The following MIGA1 variants were observed in gnomAD, a reference collection of about 807,000 sequenced individuals.
MIGA1 encodes the protein family with sequence similarity 73, member A.
MIGA1 carries 58 observed loss-of-function variants against 82.0 expected under a neutral mutation model. That is an observed-to-expected ratio of 0.71 (90% CI 0.57 to 0.88). The LOEUF (loss-of-function observed/expected upper bound fraction) is 0.88, where lower values mean the gene tolerates loss of function less well. Among genes scored for constraint, MIGA1 ranks in the 40% least tolerant of loss-of-function variants. The pLI, the probability that MIGA1 is intolerant of heterozygous loss-of-function variation, is 0.00. For synonymous variants in MIGA1, 249 were observed against 253.6 expected, an observed-to-expected ratio of 0.98 and a Z score of 0.17; for missense variants, 751 against 749.1, an observed-to-expected ratio of 1.00 and a Z score of -0.03.
intron 5 of MIGA1, 106 bp downstream of exon 5, chr1:77,807,207 G>A (rs1455311388): frequency 4.5e-6 from 4 of 890,816 alleles, no homozygotes; most frequent in Admixed American, 2.5e-5. Context: ...TGTCACCCAG[G>A]CTGGAGTACG....
At chr1:77,821,625 C>G (rs1222031874) in intron 7 of MIGA1, among the ~76,000 whole-genome samples, 1 of 152,084 alleles carries the variant, frequency 6.6e-6, no homozygotes, top group East Asian at 1.9e-4. Context: ...GAGCTCCCAC[C>G]TCAGGTGATC....
chr1:77,864,573 G>A (rs1408532839), intron 13 of MIGA1, among the ~76,000 whole-genome samples: 2 of 152,136 alleles, frequency 1.3e-5, no homozygotes, highest in African/African-American at 2.4e-5. Context: ...CTACTCGGGA[G>A]GCTGAGGTGT....
At chr1:77,858,895 C>T (rs766263907) in intron 8 of MIGA1, 43 bp from the exon 9 acceptor site, 22 of 1,142,688 alleles carry the variant, frequency 1.9e-5, no homozygotes, top group South Asian at 3.8e-5. Flanking sequence ...GCATGAGCCA[C>T]TGCACCTAGC....
intron 7 of MIGA1, among the ~76,000 whole-genome samples, chr1:77,840,488 AGAGTT>A (rs1684587687): frequency 6.6e-6 from 1 of 152,128 alleles, no homozygotes; most frequent in Non-Finnish European, 1.5e-5. Context: ...TATGGAAACA[AGAGTT>A]AATTGACTTG....
At chr1:77,846,058 G>A (rs141615623) in intron 8 of MIGA1, among the ~76,000 whole-genome samples, 1 of 150,246 alleles carries the variant, frequency 6.7e-6, no homozygotes, top group African/African-American at 2.5e-5. Context: ...ATATAGTTGT[G>A]CAGCCAGCAC....
At chr1:77,813,917 T>A (rs774832613) in intron 6 of MIGA1, 50 bp downstream of exon 6, 20 of 1,532,560 alleles carry the variant, frequency 1.3e-5, no homozygotes, top group Non-Finnish European at 1.7e-5. Context: ...AGAATCAAAC[T>A]TTTTTTTTGT....
Position 77,806,991 on chromosome 1 carries a change from C to G in MIGA1, c.527C>G (p.Ser176Cys). 1 of 1,611,626 alleles carries G rather than the reference C, an allele frequency of 6.2e-7. No individual in the cohort carries two copies. The highest frequency in any genetic ancestry group is 8.5e-7 in the Non-Finnish European group (1 of 1,178,454). ...TAATTTTAGGTCCAGAGTGTCAATT[C>G]TTGTCATAGCTGCGCTTGTGGCAAT... Residue 176 changes from serine (S) to cysteine (C), a missense_variant, in exon 5 of 16, where the codon TCT (serine) becomes TGT (cysteine). Ser to Cys is a moderately radical substitution (Grantham distance 112). Transcript: ENST00000370791.
chr1:77,821,473 G>A (rs1683806220), intron 7 of MIGA1, among the ~76,000 whole-genome samples: 1 of 149,334 alleles, frequency 6.7e-6, no homozygotes, highest in Non-Finnish European at 1.5e-5. Context: ...TCAGCTCACC[G>A]CAATCTCTGC....
At chr1:77,789,401 G>A (rs1207635816) in intron 2 of MIGA1, among the ~76,000 whole-genome samples, 1 of 151,434 alleles carries the variant, frequency 6.6e-6, no homozygotes, top group African/African-American at 2.4e-5. Flanking sequence ...GTAGAGACAG[G>A]GTTTTACCAT....
At chr1:77,869,231 A>T (rs1400132056) in intron 14 of MIGA1, among the ~76,000 whole-genome samples, 3 of 136,108 alleles carry the variant, frequency 2.2e-5, no homozygotes, top group Non-Finnish European at 4.7e-5. Context: ...TGGACACAGC[A>T]CATGTTTCAG....
chr1:77,869,828 C>T (rs1437122516), intron 14 of MIGA1, among the ~76,000 whole-genome samples: 8 of 111,512 alleles, frequency 7.2e-5, no homozygotes, highest in African/African-American at 2.9e-4. Flanking sequence ...AGAGGCGCCC[C>T]TCACCTCCCG....
At position 77,859,289 on chromosome 1, in the gene MIGA1, A is replaced by G. The variant is rs767086103; in HGVS notation, c.1116-25A>G. ...GCTTGATCTTGAATGTAGTTTAACAATTGTCTCCCCTGTTTATTACATAGA... is the reference window on the plus strand; with the variant it reads ...GCTTGATCTTGAATGTAGTTTAACAGTTGTCTCCCCTGTTTATTACATAGA... On this transcript the variant is annotated intron_variant, in intron 9 of 15. Coordinates refer to ENST00000370791, the MANE Select transcript of MIGA1 (RefSeq NM_198549.4). 6 of 1,575,186 alleles carry G rather than the reference A, an allele frequency of 3.8e-6. No homozygotes were observed. In the African/African-American group the frequency reaches 4.0e-5, roughly 11 times the overall value.
intron 3 of MIGA1, among the ~76,000 whole-genome samples, chr1:77,801,776 A>G (rs1682895181): frequency 6.6e-6 from 1 of 152,190 alleles, no homozygotes; most frequent in Non-Finnish European, 1.5e-5. Flanking sequence ...TCATATTGAG[A>G]CATAAAATGT....
At chr1:77,779,899 T>A in intron 1 of MIGA1, 163 bp downstream of exon 1, 1 of 1,411,724 alleles carries the variant, frequency 7.1e-7, no homozygotes. Flanking sequence ...AGCCAGAGGG[T>A]CTACGGCCGT....
intron 13 of MIGA1, among the ~76,000 whole-genome samples, chr1:77,865,845 T>G (rs1354234622): frequency 6.6e-6 from 1 of 152,126 alleles, no homozygotes; most frequent in Non-Finnish European, 1.5e-5. Flanking sequence ...ATTTAAAAAT[T>G]TATAAAAATG....
Position 77,788,609 on chromosome 1 carries a change from A to G in MIGA1, c.195+5258A>G, listed in dbSNP as rs79115596. Among the ~76,000 whole-genome samples the G allele has an allele frequency of 5.3e-3, 802 of 152,246 alleles. 32 individuals carry two copies. The East Asian group carries it at 0.085, about 16-fold the overall frequency. Reference sequence around the variant, plus strand: ...AGCTTCTTAGGGTTTTAGGACTTATATTTAGGTCTTTGATCCATTTTGAGT... The same window carrying G: ...AGCTTCTTAGGGTTTTAGGACTTATGTTTAGGTCTTTGATCCATTTTGAGT... On this transcript the variant is annotated intron_variant, in intron 2 of 15. Coordinates refer to ENST00000370791, the MANE Select transcript of MIGA1 (RefSeq NM_198549.4).
intron 12 of MIGA1, 68 bp from the exon 13 acceptor site, chr1:77,863,826 C>A: frequency 1.7e-6 from 2 of 1,170,510 alleles, no homozygotes; most frequent in South Asian, 1.7e-5. Context: ...AACCATAAAG[C>A]CCTGGCTCAG....
intron 2 of MIGA1, among the ~76,000 whole-genome samples, chr1:77,788,055 C>T (rs942646483): frequency 4.7e-5 from 7 of 150,488 alleles, no homozygotes; most frequent in African/African-American, 1.7e-4. Flanking sequence ...GGCGCAATCT[C>T]GGCTCACTGC....
chr1:77,802,493 G>A (rs1412973952), intron 3 of MIGA1, among the ~76,000 whole-genome samples: 1 of 152,178 alleles, frequency 6.6e-6, no homozygotes, highest in East Asian at 1.9e-4. Flanking sequence ...AGAAAAACTT[G>A]TGCAGCATGG....
Sources: gnomAD v4.1 joint callset for allele counts (sites outside exome capture counted in the v4.1 genomes callset) on GRCh38, gnomAD v4.1.1 for gene constraint, MANE v1.5 for transcripts, NCBI Gene and HGNC (gene_info 2026-07-23, HGNC 2026-07-21) for gene names.